The following DOCK2 variants were observed in gnomAD, a reference collection of about 807,000 sequenced individuals.
DOCK2 encodes the protein dedicator of cytokinesis protein 2.
Under a neutral mutation model 248.9 loss-of-function variants are expected in DOCK2, and 87 were observed. That is an observed-to-expected ratio of 0.35 (90% CI 0.29 to 0.42). The LOEUF (loss-of-function observed/expected upper bound fraction) is 0.42. Among genes scored for constraint, DOCK2 ranks in the 10% least tolerant of loss-of-function variants. DOCK2 has a pLI of 1.00. For missense variants in DOCK2, 1,747 were observed against 2,300.2 expected (o/e 0.76, Z 4.92); for synonymous variants, 805 against 821.6 (o/e 0.98, Z 0.35).
At chr5:169,821,073 A>T (rs1768405760) in intron 26 of DOCK2, among the ~76,000 whole-genome samples, 1 of 152,254 alleles carries the variant, frequency 6.6e-6, no homozygotes, top group Non-Finnish European at 1.5e-5. Context: ...TAGAGAAAAA[A>T]GAATAAAAAG....
chr5:170,035,129 C>A lies in DOCK2; in HGVS notation c.3624+574C>A, dbSNP rs144137504. 1.1e-3 allele frequency among the ~76,000 whole-genome samples: 165 copies of A among 152,332 alleles called. 1 individual carries two copies. The highest frequency in any genetic ancestry group is 3.8e-3 in the African/African-American group (160 of 41,576). ...GCTAACCCCAGACCCAAGTTCTTAACCCCTATATTCCATGAGCTCCCATGG... is the reference window on the plus strand; with the variant it reads ...GCTAACCCCAGACCCAAGTTCTTAAACCCTATATTCCATGAGCTCCCATGG... On this transcript the variant is annotated intron_variant, in intron 35 of 51. Transcript: ENST00000520908.
At chr5:169,679,747 G>A (rs1011495634) in intron 6 of DOCK2, among the ~76,000 whole-genome samples, 1 of 152,218 alleles carries the variant, frequency 6.6e-6, no homozygotes, top group Non-Finnish European at 1.5e-5. Flanking sequence ...GTCATGTTAA[G>A]TTGGGAGTTA....
intron 27 of DOCK2, among the ~76,000 whole-genome samples, chr5:169,978,327 A>G (rs1247154473): frequency 5.0e-5 from 6 of 120,400 alleles, no homozygotes; most frequent in Non-Finnish European, 9.6e-5. Flanking sequence ...GCAAACTGGT[A>G]GCCTTTCCCT....
intron 1 of DOCK2, among the ~76,000 whole-genome samples, chr5:169,645,105 C>T (rs180710786): frequency 2.3e-4 from 35 of 152,256 alleles, no homozygotes; most frequent in Middle Eastern, 3.4e-3. Context: ...GATAAACATA[C>T]GTGTGCATAT....
At chr5:170,049,271 C>T (rs1005863732) in intron 40 of DOCK2, among the ~76,000 whole-genome samples, 47 of 152,322 alleles carry the variant, frequency 3.1e-4, no homozygotes, top group African/African-American at 8.2e-4. Context: ...TGTGCCACCA[C>T]GCCCAGCTAA....
chr5:169,958,458 G>T (rs894559867), intron 27 of DOCK2, among the ~76,000 whole-genome samples: 21 of 152,294 alleles, frequency 1.4e-4, no homozygotes, highest in African/African-American at 5.1e-4. Flanking sequence ...TGCTTGAAAA[G>T]CTGGTGTGCA....
intron 27 of DOCK2, among the ~76,000 whole-genome samples, chr5:169,954,662 T>C (rs1776792290): frequency 6.6e-6 from 1 of 152,198 alleles, no homozygotes; most frequent in Admixed American, 6.5e-5. Flanking sequence ...TGCAGTTTGG[T>C]TCTCCAAATG....
At chr5:169,648,660 T>A (rs1416983593) in intron 1 of DOCK2, among the ~76,000 whole-genome samples, 1 of 152,136 alleles carries the variant, frequency 6.6e-6, no homozygotes, top group Non-Finnish European at 1.5e-5. Flanking sequence ...CCAGGATGTT[T>A]ACTTGATCTT....
intron 41 of DOCK2, among the ~76,000 whole-genome samples, chr5:170,052,795 A>G (rs570010601): frequency 5.3e-5 from 8 of 152,336 alleles, no homozygotes; most frequent in Non-Finnish European, 1.0e-4. Flanking sequence ...CAATACTTAT[A>G]CAAGTTAGGT....
At chr5:169,948,534 A>G (rs1298431528) in intron 27 of DOCK2, among the ~76,000 whole-genome samples, 1 of 151,772 alleles carries the variant, frequency 6.6e-6, no homozygotes, top group Non-Finnish European at 1.5e-5. Context: ...ACACATATAC[A>G]TTTATAGATT....
chr5:169,803,360 A>G (rs992542735), intron 26 of DOCK2, among the ~76,000 whole-genome samples, 154 bp downstream of exon 26: 3 of 152,192 alleles, frequency 2.0e-5, no homozygotes, highest in Admixed American at 6.5e-5. Flanking sequence ...ACTAACCCCC[A>G]TTGCTGTGAA....
At chr5:169,694,452 G>A (rs929830130) in intron 9 of DOCK2, among the ~76,000 whole-genome samples, 1 of 152,198 alleles carries the variant, frequency 6.6e-6, no homozygotes, top group Non-Finnish European at 1.5e-5. Flanking sequence ...CTGTACTGTA[G>A]TAGCTATGTT....
At chr5:170,059,722 A>G (rs190782638) in intron 44 of DOCK2, among the ~76,000 whole-genome samples, 232 of 152,366 alleles carry the variant, frequency 1.5e-3, no homozygotes, top group Non-Finnish European at 2.9e-3. Context: ...ACTGATGCTA[A>G]CTAAAGAATA....
intron 22 of DOCK2, among the ~76,000 whole-genome samples, chr5:169,733,705 A>C (rs1423431755): frequency 1.3e-5 from 2 of 152,084 alleles, no homozygotes; most frequent in African/African-American, 4.8e-5. Flanking sequence ...TTTTCTAGAT[A>C]TAGACTTATA....
chr5:169,730,376 G>A (rs2113620682), intron 22 of DOCK2, among the ~76,000 whole-genome samples: 1 of 152,322 alleles, frequency 6.6e-6, no homozygotes, highest in South Asian at 2.1e-4. Context: ...TTTTCAGAAA[G>A]TTAGAGAAGA....
intron 25 of DOCK2, among the ~76,000 whole-genome samples, chr5:169,798,342 T>C (rs1362410788): frequency 2.6e-5 from 4 of 152,214 alleles, no homozygotes; most frequent in African/African-American, 9.6e-5. Context: ...CTACTACTTG[T>C]ATACTTCTAG....
rs748964146 is a variant in DOCK2 at position 169,737,742 on chromosome 5, G to A, written c.2268-9654G>A. On this transcript the variant is annotated intron_variant, in intron 22 of 51. Coordinates refer to ENST00000520908, the MANE Select transcript of DOCK2 (RefSeq NM_004946.3). ...CCAGCAATTCCAGACAGCTGAACAC[G>A]TGGCACTTCCTGGAAGGTGGCATTC... 4.6e-5 allele frequency among the ~76,000 whole-genome samples: 7 copies of A among 152,174 alleles called. No homozygotes were observed. In the South Asian group the frequency reaches 8.3e-4, roughly 18 times the overall value.
At chr5:169,857,371 T>G (rs2113392203) in intron 27 of DOCK2, among the ~76,000 whole-genome samples, 1 of 152,314 alleles carries the variant, frequency 6.6e-6, no homozygotes, top group East Asian at 1.9e-4. Context: ...GACAAAGATC[T>G]TGGCAGGGGG....
chr5:169,681,779 A>G lies in DOCK2; in HGVS notation c.506A>G (p.Asp169Gly). 1 of 1,613,656 alleles carries G rather than the reference A, an allele frequency of 6.2e-7. No individual in the cohort carries two copies. Among genetic ancestry groups the G allele is most frequent in the Non-Finnish European group, 8.5e-7 (1 of 1,179,770 alleles). Residue 169 changes from aspartate to glycine, a missense_variant, in exon 7 of 52, where the codon GAC becomes GGC. This residue lies in a region of DOCK2 where 375 missense variants were observed against 510.9 expected (regional missense o/e 0.73). Coordinates refer to ENST00000520908, the MANE Select transcript of DOCK2 (RefSeq NM_004946.3). Reference protein sequence around the residue: ...LELDLIVRDEDGNILDPDNTS... With the variant: ...LELDLIVRDEGGNILDPDNTS... ...CTTGATTTGATTGTCAGAGATGAAG[A>G]CGGAAATATCTTGGACCCTGATAAT...
Sources: gnomAD v4.1 joint callset for allele counts (sites outside exome capture counted in the v4.1 genomes callset) on GRCh38, gnomAD v4.1.1 for gene constraint, gnomAD v4.1.1 regional missense constraint, MANE v1.5 for transcripts, NCBI Gene and HGNC (gene_info 2026-07-23, HGNC 2026-07-21) for gene names.